Variants in DYNC2I2 observed in about 807,000 individuals in gnomAD.
DYNC2I2 encodes dynein 2 intermediate chain 2.
DYNC2I2 carries 39 observed loss-of-function variants against 52.0 expected under a neutral mutation model. The observed-to-expected ratio is 0.75, with a 90% CI of 0.58 to 0.98. The LOEUF is 0.98. Ranked by LOEUF, DYNC2I2 falls within the 50% of genes least tolerant of loss-of-function variation. The pLI is 0.00. For missense variants in DYNC2I2, 743 were observed against 728.4 expected, an observed-to-expected ratio of 1.02 and a Z score of -0.23; for synonymous variants, 359 against 321.1, an observed-to-expected ratio of 1.12 and a Z score of -1.26.
the DYNC2I2 span, among the ~76,000 whole-genome samples, chr9:128,674,562 T>C: frequency 6.6e-6 from 1 of 151,896 alleles, no homozygotes; most frequent in Non-Finnish European, 1.5e-5. Flanking sequence ...GCCAATATGG[T>C]GACACCCTTG....
intron 8 of DYNC2I2, 29 bp downstream of exon 8, chr9:128,634,197 C>T (rs761829285): frequency 6.2e-7 from 1 of 1,612,106 alleles, no homozygotes; most frequent in Non-Finnish European, 8.5e-7. Flanking sequence ...ACCCCTTAAA[C>T]AGATCCAGGC....
In DYNC2I2 at chr9:128,656,663, C is replaced by T; in HGVS notation, c.64G>A (p.Ala22Thr). The T allele has an allele frequency of 6.6e-7, 1 of 1,511,838 alleles. No individual in the cohort carries two copies. Among genetic ancestry groups the T allele is most frequent in the East Asian group, 2.7e-5 (1 of 37,254 alleles). The allele number at this position is 1,511,838 out of a possible 1,614,324, so 93.7% of individuals were successfully genotyped here. The change falls in exon 1 of 9, where the codon GCG becomes ACG. Residue 22 changes from alanine (A) to threonine (T), a missense_variant. Coordinates refer to ENST00000372715, the MANE Select transcript of DYNC2I2 (RefSeq NM_052844.4). The stretch of plus-strand genomic sequence containing the variant: ...GGGCCGCTCGCAACCCCGACTGTCG[C>T]CAGCGCCGCAACACCAGCGCTTCCC... ...QAGSAGVAAL[A>T]TVGVASGPGP...
At chr9:128,634,636 C>G in intron 7 of DYNC2I2, 53 bp downstream of exon 7, 4 of 1,469,120 alleles carry the variant, frequency 2.7e-6, no homozygotes, top group Non-Finnish European at 3.6e-6. Flanking sequence ...GGCTAGAGAC[C>G]CGCAGGGCAG....
At chr9:128,683,841 T>A in the DYNC2I2 span, 2 of 1,453,186 alleles carry the variant, frequency 1.4e-6, no homozygotes, top group Middle Eastern at 2.4e-4. Context: ...GTGTTCAGCC[T>A]GCTTCCGGAC....
chr9:128,646,111 G>T (rs1216032194), intron 1 of DYNC2I2, among the ~76,000 whole-genome samples: 1 of 152,242 alleles, frequency 6.6e-6, no homozygotes, highest in Non-Finnish European at 1.5e-5. Context: ...AGGTGAAGCA[G>T]CAAGTGCTGC....
the DYNC2I2 span, among the ~76,000 whole-genome samples, chr9:128,668,657 C>T: frequency 1.1e-4 from 17 of 151,168 alleles, no homozygotes; most frequent in South Asian, 2.1e-4. Context: ...CCCATCTCTA[C>T]TAAAAATACA....
At chr9:128,664,491 CTTTTTTT>C in the DYNC2I2 span, among the ~76,000 whole-genome samples, 1 of 144,056 alleles carries the variant, frequency 6.9e-6, no homozygotes, top group Admixed American at 7.0e-5. Flanking sequence ...TTTCATTTTT[CTTTTTTT>C]TTTTTAGACA....
intron 2 of DYNC2I2, among the ~76,000 whole-genome samples, chr9:128,640,327 C>T (rs1404466997): frequency 6.6e-6 from 1 of 152,170 alleles, no homozygotes. Context: ...CATTCTTAAA[C>T]TGTGCCTGGC....
chr9:128,649,414 G>A lies in DYNC2I2; in HGVS notation c.186+7127C>T, dbSNP rs78530854. Reference sequence around the variant, plus strand: ...GCTACGATCACATCACTGCATTCCAGGCTGGGAGACAGAACCAGACCACCA... The same window carrying A: ...GCTACGATCACATCACTGCATTCCAAGCTGGGAGACAGAACCAGACCACCA... On this transcript the variant is annotated intron_variant, in intron 1 of 8. Coordinates refer to ENST00000372715, the MANE Select transcript of DYNC2I2 (RefSeq NM_052844.4). Among the ~76,000 whole-genome samples the A allele has an allele frequency of 6.1e-3, 930 of 152,182 alleles. 8 individuals are homozygous for A. The highest frequency in any genetic ancestry group is 0.021 in the African/African-American group (881 of 41,512).
the DYNC2I2 span, among the ~76,000 whole-genome samples, chr9:128,671,434 T>TAGGATTAC: frequency 6.6e-6 from 1 of 150,724 alleles, no homozygotes; most frequent in East Asian, 2.0e-4. Flanking sequence ...CCCAAGTAGT[T>TAGGATTAC]AGGATTACAG....
At chr9:128,636,084 C>G in intron 4 of DYNC2I2, 197 bp downstream of exon 4, 1 of 908,750 alleles carries the variant, frequency 1.1e-6, no homozygotes. Flanking sequence ...CCGACCCTGG[C>G]CCCCTTCCAG....
intron 1 of DYNC2I2, among the ~76,000 whole-genome samples, chr9:128,653,440 C>T (rs1860757225): frequency 6.6e-6 from 1 of 150,878 alleles, no homozygotes; most frequent in African/African-American, 2.5e-5. Flanking sequence ...CTGGGCCGGA[C>T]ACGGTGGCTC....
chr9:128,637,821 G>A (rs980618576), intron 2 of DYNC2I2, among the ~76,000 whole-genome samples: 13 of 152,102 alleles, frequency 8.5e-5, no homozygotes, highest in African/African-American at 2.9e-4. Context: ...GGAGGCTGAC[G>A]ACCAGCCTAG....
At chr9:128,635,425 T>G in intron 5 of DYNC2I2, 166 bp from the exon 6 acceptor site, 1 of 896,214 alleles carries the variant, frequency 1.1e-6, no homozygotes, top group Non-Finnish European at 1.7e-6. Context: ...CCCAGGGCCC[T>G]CTCCAGTCCC....
At chr9:128,671,656 T>C in the DYNC2I2 span, among the ~76,000 whole-genome samples, 32 of 151,214 alleles carry the variant, frequency 2.1e-4, no homozygotes, top group African/African-American at 7.5e-4. Context: ...TTATTTTTTA[T>C]TTATTTATTT....
chr9:128,668,172 G>A, the DYNC2I2 span, among the ~76,000 whole-genome samples: 1 of 151,730 alleles, frequency 6.6e-6, no homozygotes, highest in Admixed American at 6.6e-5. Context: ...TGTTGGCCAG[G>A]ATGGTCTTGA....
At chr9:128,672,071 T>C in the DYNC2I2 span, among the ~76,000 whole-genome samples, 1 of 150,650 alleles carries the variant, frequency 6.6e-6, no homozygotes, top group Non-Finnish European at 1.5e-5. Context: ...CCTCCTGGGT[T>C]CACACCATTC....
Position 128,633,795 on chromosome 9 carries a change from C to A in DYNC2I2, c.1560G>T (p.Gly520=). ...AGTCCAGGTCCTCAGCTTCCCGGGGCCCTTGTTCCGTGAACTCTGTGCTCA... is the reference window on the plus strand; with the variant it reads ...AGTCCAGGTCCTCAGCTTCCCGGGGACCTTGTTCCGTGAACTCTGTGCTCA... The part of the protein sequence containing the change: ...WQLSTEFTEQ[G]PREAEDLDCL... The change falls in exon 9 of 9, where the codon GGG becomes GGT. Residue 520 remains glycine, a synonymous_variant. Coordinates refer to ENST00000372715, the MANE Select transcript of DYNC2I2 (RefSeq NM_052844.4). The A allele has an allele frequency of 6.2e-7, 1 of 1,613,624 alleles. No homozygotes were observed. Among genetic ancestry groups the A allele is most frequent in the Non-Finnish European group, 8.5e-7 (1 of 1,180,040 alleles).
chr9:128,676,090 C>G, the DYNC2I2 span, among the ~76,000 whole-genome samples: 1 of 152,108 alleles, frequency 6.6e-6, no homozygotes, highest in African/African-American at 2.4e-5. Context: ...TCACTTAGAG[C>G]CTGGGAGGTG....
Sources: gnomAD v4.1 joint callset for allele counts (sites outside exome capture counted in the v4.1 genomes callset) on GRCh38, gnomAD v4.1.1 for gene constraint, MANE v1.5 for transcripts, NCBI Gene and HGNC (gene_info 2026-07-23, HGNC 2026-07-21) for gene names.